The following COA1 variants were observed in gnomAD, a reference collection of about 807,000 sequenced individuals.
The protein encoded by COA1 is cytochrome c oxidase assembly factor 1.
In COA1, 13 loss-of-function variants were observed where a neutral mutation model predicts 16.0. The ratio of observed to expected loss-of-function variants is 0.81; its 90% CI spans 0.53 to 1.29. COA1 has a LOEUF of 1.29. Among genes scored for constraint, COA1 ranks in the 50% most tolerant of loss-of-function variants. COA1 has a pLI of 0.00. For missense variants in COA1, 179 were observed against 177.0 expected, an observed-to-expected ratio of 1.01 and a Z score of -0.06; for synonymous variants, 65 against 65.7, an observed-to-expected ratio of 0.99 and a Z score of 0.05.
chr7:43,631,542 T>G (rs559273115), intron 6 of COA1: 2 of 152,388 alleles, frequency 1.3e-5, no homozygotes, highest in African/African-American at 4.8e-5. Context: ...TGATAGTTCT[T>G]CTGGCACTAA....
At chr7:43,656,708 AC>A (rs965146064) in intron 1 of COA1, among the ~76,000 whole-genome samples, 1 of 152,262 alleles carries the variant, frequency 6.6e-6, no homozygotes, top group South Asian at 2.1e-4. Flanking sequence ...AAACAAAAAA[AC>A]AAAAAGTATT....
At chr7:43,714,232 A>G (rs1387596901) in intron 1 of COA1, among the ~76,000 whole-genome samples, 1 of 152,102 alleles carries the variant, frequency 6.6e-6, no homozygotes, top group Non-Finnish European at 1.5e-5. Flanking sequence ...ATCTTTTTGT[A>G]ATAGAGTTAT....
At chr7:43,646,187 G>A (rs377746648) in intron 3 of COA1, 1 of 187,632 alleles carries the variant, frequency 5.3e-6, no homozygotes, top group South Asian at 8.7e-5. Context: ...CCCTGGAGAG[G>A]CCAAGGGAAT....
intron 1 of COA1, among the ~76,000 whole-genome samples, chr7:43,667,977 T>C (rs1184105851): frequency 3.9e-5 from 6 of 152,258 alleles, no homozygotes; most frequent in Non-Finnish European, 7.3e-5. Flanking sequence ...TACTCTTAAC[T>C]TACAGCAATA....
chr7:43,685,000 T>A (rs2093952258), intron 1 of COA1, among the ~76,000 whole-genome samples: 2 of 152,060 alleles, frequency 1.3e-5, no homozygotes, highest in African/African-American at 4.8e-5. Context: ...ACTAGCTCAC[T>A]AGTTAGTGAG....
intron 1 of COA1, among the ~76,000 whole-genome samples, chr7:43,705,827 G>A (rs1206068742): frequency 1.3e-5 from 2 of 152,162 alleles, no homozygotes; most frequent in Admixed American, 1.3e-4. Context: ...CGGCAAGAGT[G>A]GGCCACTCCA....
chr7:43,691,373 GAGGGAGGAAGGAAGGA>G (rs1185731055), intron 1 of COA1, among the ~76,000 whole-genome samples: 788 of 18,608 alleles, frequency 0.042, 35 homozygotes, highest in African/African-American at 0.092. Flanking sequence ...GGGAGGGAGG[GAGGGAGGAAGGAAGGA>G]AGGAAGGAAG....
At chr7:43,643,250 C>A (rs921372083) in intron 4 of COA1, among the ~76,000 whole-genome samples, 3 of 152,202 alleles carry the variant, frequency 2.0e-5, no homozygotes, top group Non-Finnish European at 4.4e-5. Flanking sequence ...CACTGGGGTT[C>A]CTGGAGCACC....
chr7:43,628,264 T>C (rs2084802876), intron 6 of COA1, among the ~76,000 whole-genome samples: 1 of 152,192 alleles, frequency 6.6e-6, no homozygotes, highest in Admixed American at 6.5e-5. Context: ...AGTGTTGGGA[T>C]TACAGGCGTG....
At chr7:43,719,437 A>G (rs140764779) in intron 1 of COA1, among the ~76,000 whole-genome samples, 81 of 152,364 alleles carry the variant, frequency 5.3e-4, no homozygotes, top group Middle Eastern at 6.8e-3. Context: ...AGGCTGTCAT[A>G]CAGAAAAATC....
chr7:43,706,877 AG>A (rs2095002513), intron 1 of COA1, among the ~76,000 whole-genome samples: 1 of 151,220 alleles, frequency 6.6e-6, no homozygotes, highest in African/African-American at 2.4e-5. Flanking sequence ...CTCAAAAAAA[AG>A]AAAAAGAAAA....
intron 1 of COA1, chr7:43,650,506 G>C (rs1400930104): frequency 6.6e-6 from 1 of 152,128 alleles, no homozygotes. Flanking sequence ...CATTCACTAG[G>C]CATTTCCTCA....
intron 1 of COA1, among the ~76,000 whole-genome samples, chr7:43,660,163 T>C (rs906993756): frequency 8.5e-5 from 13 of 152,200 alleles, no homozygotes; most frequent in Non-Finnish European, 1.8e-4. Context: ...ATACACTCTA[T>C]ATACCCTTTC....
At chr7:43,665,573 G>C (rs941418079) in intron 1 of COA1, 23 of 152,186 alleles carry the variant, frequency 1.5e-4, no homozygotes, top group African/African-American at 4.8e-4. Flanking sequence ...AGCTCAAGCA[G>C]AGTGTATTAA....
intron 1 of COA1, among the ~76,000 whole-genome samples, chr7:43,691,265 A>AAAAGAAAGAAAAG (rs2094282712): frequency 2.2e-5 from 1 of 45,932 alleles, no homozygotes; most frequent in Admixed American, 2.9e-4. Flanking sequence ...AGAAAGAAAG[A>AAAAGAAAGAAAAG]AAAGAAAGAA....
chr7:43,685,284 G>C (rs892862322), intron 1 of COA1, among the ~76,000 whole-genome samples: 2 of 152,098 alleles, frequency 1.3e-5, no homozygotes, highest in East Asian at 3.8e-4. Context: ...AGAGGCAAAG[G>C]GGTGCCCTAT....
chr7:43,728,752 C>A (rs1359104946), intron 1 of COA1, among the ~76,000 whole-genome samples: 1 of 152,156 alleles, frequency 6.6e-6, no homozygotes, highest in African/African-American at 2.4e-5. Flanking sequence ...AAACGTGAGC[C>A]ACCTCAGAAA....
At chr7:43,684,231 T>C (rs748979072) in intron 1 of COA1, among the ~76,000 whole-genome samples, 1 of 152,156 alleles carries the variant, frequency 6.6e-6, no homozygotes, top group Non-Finnish European at 1.5e-5. Context: ...ACATCCCTCA[T>C]ATGCACAGCT....
intron 2 of COA1, 113 bp from the exon 3 acceptor site, chr7:43,647,747 C>T (rs1253296377): frequency 1.4e-6 from 1 of 737,016 alleles, no homozygotes; most frequent in African/African-American, 1.8e-5. Context: ...GAAAGGAGGC[C>T]AGACCGCCCT....
Sources: gnomAD v4.1 joint callset for allele counts (sites outside exome capture counted in the v4.1 genomes callset) on GRCh38, gnomAD v4.1.1 for gene constraint, MANE v1.5 for transcripts, NCBI Gene and HGNC (gene_info 2026-07-23, HGNC 2026-07-21) for gene names.